OPCML: variants seen among roughly 807,000 people sequenced by gnomAD.
OPCML encodes opioid-binding protein/cell adhesion molecule.
Under a neutral mutation model 37.8 loss-of-function variants are expected in OPCML, and 13 were observed. The observed-to-expected ratio is 0.34, with a 90% CI of 0.22 to 0.55. The LOEUF (loss-of-function observed/expected upper bound fraction) is 0.55. Among genes scored for constraint, OPCML ranks in the 20% least tolerant of loss-of-function variants. The pLI, the probability that OPCML is intolerant of heterozygous loss-of-function variation, is 0.91. For missense variants in OPCML, 341 were observed against 435.6 expected, an observed-to-expected ratio of 0.78 and a Z score of 1.93; for synonymous variants, 176 against 168.8, an observed-to-expected ratio of 1.04 and a Z score of -0.33.
intron 1 of OPCML, among the ~76,000 whole-genome samples, chr11:133,031,807 G>A (rs1353438152): frequency 6.6e-6 from 1 of 152,188 alleles, no homozygotes. Context: ...TCACAGGACA[G>A]TCAGAAACAT....
At chr11:133,003,621 G>C in intron 1 of OPCML, 1 of 983,490 alleles carries the variant, frequency 1.0e-6, no homozygotes, top group Non-Finnish European at 1.2e-6. Flanking sequence ...GTACTTTTCA[G>C]ATGACCACAA....
chr11:133,389,166 A>G lies in OPCML; in HGVS notation c.61+143098T>C, dbSNP rs74943458. On this transcript the variant is annotated intron_variant, in intron 1 of 7. Coordinates refer to ENST00000524381, the MANE Select transcript of OPCML (RefSeq NM_001012393.5). ...GAGGCCCTTTAGGGGGTGACCTCAT[A>G]CAAGATGTCCATGCCTGCCAAAATG... 9.3e-3 allele frequency among the ~76,000 whole-genome samples: 1,414 copies of G among 152,346 alleles called. 19 individuals carry two copies. Among genetic ancestry groups the G allele is most frequent in the African/African-American group, 0.032 (1,333 of 41,574 alleles).
At chr11:132,549,671 C>A (rs929238500) in intron 3 of OPCML, among the ~76,000 whole-genome samples, 1 of 152,186 alleles carries the variant, frequency 6.6e-6, no homozygotes, top group African/African-American at 2.4e-5. Context: ...AGCTTGCACG[C>A]GTGAATGCGG....
intron 1 of OPCML, among the ~76,000 whole-genome samples, chr11:133,400,526 C>T (rs568780080): frequency 2.0e-5 from 3 of 152,166 alleles, no homozygotes; most frequent in Non-Finnish European, 2.9e-5. Context: ...AAAAACAACG[C>T]TTTGCAGTTC....
chr11:133,115,569 A>C (rs761747263), intron 1 of OPCML, among the ~76,000 whole-genome samples: 69 of 152,232 alleles, frequency 4.5e-4, no homozygotes, highest in Non-Finnish European at 7.1e-4. Context: ...CAGAAAAAAA[A>C]CCCTAATTCT....
At chr11:132,521,565 T>C (rs1347472692) in intron 4 of OPCML, among the ~76,000 whole-genome samples, 1 of 151,892 alleles carries the variant, frequency 6.6e-6, no homozygotes, top group African/African-American at 2.4e-5. Context: ...CTGCATGTTC[T>C]CTGGACACAG....
chr11:132,912,432 C>T (rs1445200976), intron 2 of OPCML, among the ~76,000 whole-genome samples: 1 of 152,090 alleles, frequency 6.6e-6, no homozygotes, highest in East Asian at 1.9e-4. Flanking sequence ...TCGGGAAGCA[C>T]AATTAATAAT....
chr11:132,873,400 G>T (rs887590468), intron 2 of OPCML, among the ~76,000 whole-genome samples: 1 of 152,096 alleles, frequency 6.6e-6, no homozygotes, highest in African/African-American at 2.4e-5. Flanking sequence ...GAGCCCCCCA[G>T]GTGTAGGCAT....
intron 1 of OPCML, among the ~76,000 whole-genome samples, chr11:133,414,516 T>G (rs1945719148): frequency 6.6e-6 from 1 of 152,124 alleles, no homozygotes. Context: ...AATCCTGGTT[T>G]TCAGGTAGAG....
chr11:132,861,990 G>A (rs1942326422), intron 2 of OPCML, among the ~76,000 whole-genome samples: 1 of 151,838 alleles, frequency 6.6e-6, no homozygotes, highest in South Asian at 2.1e-4. Context: ...GAGTTACATT[G>A]TATTAATCTG....
rs141970689 is a variant in OPCML, at chr11:133,385,126, A to G, written c.61+147138T>C. On this transcript the variant is annotated intron_variant, in intron 1 of 7. Transcript: ENST00000524381. ...TTGTCCTAAGAGGCAGTGATGCCACACTCTATCCGTTGCAGCACTGGCTCT... is the reference window on the plus strand; with the variant it reads ...TTGTCCTAAGAGGCAGTGATGCCACGCTCTATCCGTTGCAGCACTGGCTCT... Among the ~76,000 whole-genome samples, 680 of 152,042 alleles carry G rather than the reference A, an allele frequency of 4.5e-3. 5 individuals carry two copies. Among genetic ancestry groups the G allele is most frequent in the African/African-American group, 0.016 (662 of 41,472 alleles).
chr11:133,482,337 G>T (rs1947392484), intron 1 of OPCML, among the ~76,000 whole-genome samples: 1 of 152,176 alleles, frequency 6.6e-6, no homozygotes. Flanking sequence ...TGGAGTTAAG[G>T]GTGGCTAGCG....
intron 4 of OPCML, among the ~76,000 whole-genome samples, chr11:132,512,091 A>G (rs1477897406): frequency 6.6e-6 from 1 of 152,076 alleles, no homozygotes; most frequent in Non-Finnish European, 1.5e-5. Flanking sequence ...AGATATACCA[A>G]TGGCCAATGA....
At chr11:133,229,219 A>G (rs958976622) in intron 1 of OPCML, among the ~76,000 whole-genome samples, 1 of 152,206 alleles carries the variant, frequency 6.6e-6, no homozygotes, top group Non-Finnish European at 1.5e-5. Context: ...CAGTTAAAAT[A>G]CATTTCATGA....
intron 1 of OPCML, among the ~76,000 whole-genome samples, chr11:133,440,056 G>C (rs1285131186): frequency 6.6e-6 from 1 of 152,058 alleles, no homozygotes; most frequent in Non-Finnish European, 1.5e-5. Flanking sequence ...AAACTTTTTA[G>C]CCAGCTAGAA....
chr11:133,030,246 A>G (rs1947641641), intron 1 of OPCML, among the ~76,000 whole-genome samples: 1 of 152,232 alleles, frequency 6.6e-6, no homozygotes, highest in Admixed American at 6.5e-5. Flanking sequence ...CCAGAAGGCA[A>G]AGCTGAATCC....
chr11:132,684,830 G>A (rs948038300), intron 2 of OPCML, among the ~76,000 whole-genome samples: 3 of 152,168 alleles, frequency 2.0e-5, no homozygotes, highest in African/African-American at 7.2e-5. Context: ...GATGATCAAT[G>A]TCTCTTCTGG....
At chr11:132,869,770 T>TAA (rs1480633066) in intron 2 of OPCML, among the ~76,000 whole-genome samples, 7 of 152,184 alleles carry the variant, frequency 4.6e-5, no homozygotes, top group Non-Finnish European at 1.0e-4. Flanking sequence ...ACACTCTACA[T>TAA]AAAGTGGGCC....
At position 132,681,884 on chromosome 11, in the gene OPCML, G is replaced by A. The variant is rs556790598; in HGVS notation, c.147-24565C>T. The stretch of plus-strand genomic sequence containing the variant: ...GCAGGAGAATGGCGTGAACCCGGGA[G>A]GTGGAGCTTGCAGTGAGCCGAGATC... On this transcript the variant is annotated intron_variant, in intron 2 of 7. Transcript: ENST00000524381. Among the ~76,000 whole-genome samples the A allele has an allele frequency of 2.6e-5, 4 of 152,122 alleles. No homozygotes were observed. The East Asian group carries it at 5.8e-4, about 22-fold the overall frequency.
Sources: allele counts gnomAD v4.1 joint callset (sites outside exome capture counted in the v4.1 genomes callset), GRCh38; gene constraint gnomAD v4.1.1; transcripts MANE v1.5; gene names NCBI Gene and HGNC (gene_info 2026-07-23, HGNC 2026-07-21).